CCDC28A: variants seen among roughly 807,000 people sequenced by gnomAD.
CCDC28A encodes the protein coiled-coil domain-containing protein 28A.
CCDC28A carries 24 observed loss-of-function variants against 22.1 expected under a neutral mutation model. The observed-to-expected ratio is 1.09, with a 90% confidence interval of 0.79 to 1.53. The LOEUF (loss-of-function observed/expected upper bound fraction) is 1.53, where lower values mean the gene tolerates loss of function less well. Ranked by LOEUF, CCDC28A falls within the 40% of genes most tolerant of loss-of-function variation. The pLI, the probability that CCDC28A is intolerant of heterozygous loss-of-function variation, is 0.00. For missense variants in CCDC28A, 170 were observed against 210.7 expected, an observed-to-expected ratio of 0.81 and a Z score of 1.20; for synonymous variants, 83 against 74.7, an observed-to-expected ratio of 1.11 and a Z score of -0.57.
At chr6:138,773,962 C>G (rs1226598626) in intron 1 of CCDC28A, 60 bp downstream of exon 1, 5 of 1,579,342 alleles carry the variant, frequency 3.2e-6, no homozygotes, top group African/African-American at 2.7e-5. Context: ...TCCCACCACT[C>G]TGGTCACTGC....
intron 3 of CCDC28A, among the ~76,000 whole-genome samples, chr6:138,782,939 GA>G (rs145295649): frequency 0.016 from 2,392 of 152,076 alleles, 65 homozygotes; most frequent in African/African-American, 0.054. Context: ...AGGAAAAACA[GA>G]AAGGTTTTTT....
At chr6:138,788,638 C>T (rs772960057) in intron 5 of CCDC28A, among the ~76,000 whole-genome samples, 2 of 137,768 alleles carry the variant, frequency 1.5e-5, no homozygotes, top group Non-Finnish European at 3.0e-5. Context: ...TGCAGTGCCA[C>T]GATCATGGTT....
At chr6:138,788,579 TTTTTTTTTTTTTC>T (rs1266795196) in intron 5 of CCDC28A, among the ~76,000 whole-genome samples, 191 bp downstream of exon 5, 12 of 79,268 alleles carry the variant, frequency 1.5e-4, no homozygotes, top group African/African-American at 4.4e-4. Flanking sequence ...TTTTTTTTTT[TTTTTTTTTTTTTC>T]AGAGACAGGG....
At chr6:138,783,776 C>G (rs1426506482) in intron 3 of CCDC28A, among the ~76,000 whole-genome samples, 2 of 151,360 alleles carry the variant, frequency 1.3e-5, no homozygotes, top group African/African-American at 4.9e-5. Flanking sequence ...CCATGTTTCA[C>G]AGATTGGTCT....
intron 5 of CCDC28A, among the ~76,000 whole-genome samples, chr6:138,788,819 G>A (rs1775131414): frequency 6.6e-6 from 1 of 151,782 alleles, no homozygotes; most frequent in South Asian, 2.1e-4. Context: ...GCTTTGCTTT[G>A]TACTGTTCTT....
intron 1 of CCDC28A, among the ~76,000 whole-genome samples, chr6:138,775,296 A>T (rs1774913237): frequency 6.6e-6 from 1 of 152,248 alleles, no homozygotes; most frequent in African/African-American, 2.4e-5. Flanking sequence ...AAGTAAGGGG[A>T]TTGTGTAGGG....
intron 5 of CCDC28A, among the ~76,000 whole-genome samples, chr6:138,791,294 T>C (rs981570294): frequency 6.6e-6 from 1 of 151,906 alleles, no homozygotes; most frequent in Non-Finnish European, 1.5e-5. Context: ...GTTGCCCAGA[T>C]TGGTCTCAAA....
At chr6:138,786,379 AT>A (rs1347532105) in intron 4 of CCDC28A, among the ~76,000 whole-genome samples, 1 of 152,230 alleles carries the variant, frequency 6.6e-6, no homozygotes, top group Non-Finnish European at 1.5e-5. Context: ...TGTTAATTAA[AT>A]TTGCCTCTTT....
intron 5 of CCDC28A, among the ~76,000 whole-genome samples, chr6:138,791,036 AAT>A (rs1775161924): frequency 6.6e-6 from 1 of 152,192 alleles, no homozygotes; most frequent in South Asian, 2.1e-4. Context: ...AAGAACATAA[AAT>A]ATCTCAATTT....
In CCDC28A at chr6:138,776,070, CTTAT is replaced by C; in HGVS notation, c.-42-5_-42-2del. On this transcript the variant is annotated splice_region_variant and splice_polypyrimidine_tract_variant and intron_variant, in intron 1 of 5. Transcript: ENST00000617445. Reference sequence around the variant, plus strand: ...GCATACATATATAATTGCTGTATTCCTTATTTAGGTCTTAAGAAGCTGGCCGTGG... The same window carrying C: ...GCATACATATATAATTGCTGTATTCCTTAGGTCTTAAGAAGCTGGCCGTGG... 1 of 1,609,070 alleles carries C rather than the reference CTTAT, an allele frequency of 6.2e-7. No homozygotes were observed. The highest frequency in any genetic ancestry group is 8.5e-7 in the Non-Finnish European group (1 of 1,175,668).
chr6:138,792,589 T>TC (rs1775188124), intron 5 of CCDC28A, among the ~76,000 whole-genome samples, 160 bp from the exon 6 acceptor site: 2 of 152,210 alleles, frequency 1.3e-5, no homozygotes, highest in East Asian at 1.9e-4. Context: ...TTAAAAGTTG[T>TC]CTTACCACAT....
chr6:138,781,667 T>C (rs1199074173), intron 3 of CCDC28A, among the ~76,000 whole-genome samples: 1 of 152,266 alleles, frequency 6.6e-6, no homozygotes, highest in Non-Finnish European at 1.5e-5. Flanking sequence ...CGTGTGTGTT[T>C]GGTAGATTGT....
intron 1 of CCDC28A, among the ~76,000 whole-genome samples, chr6:138,775,742 T>G (rs1322933583): frequency 6.6e-6 from 1 of 152,232 alleles, no homozygotes; most frequent in Non-Finnish European, 1.5e-5. Context: ...CCTTGTAAAA[T>G]GTAGGCTTCT....
At chr6:138,774,982 C>A (rs1439902247) in intron 1 of CCDC28A, among the ~76,000 whole-genome samples, 1 of 148,160 alleles carries the variant, frequency 6.7e-6, no homozygotes, top group Non-Finnish European at 1.5e-5. Flanking sequence ...GAGACGGAGT[C>A]TCGCTCTGTC....
intron 3 of CCDC28A, among the ~76,000 whole-genome samples, chr6:138,783,876 CTTT>C (rs577197452): frequency 7.2e-5 from 9 of 125,380 alleles, no homozygotes; most frequent in Admixed American, 8.2e-5. Flanking sequence ...AGCCAGAACT[CTTT>C]TTTTTTTTTT....
At chr6:138,780,592 T>A (rs1272374402) in intron 3 of CCDC28A, among the ~76,000 whole-genome samples, 5 of 128,564 alleles carry the variant, frequency 3.9e-5, no homozygotes, top group Non-Finnish European at 8.0e-5. Flanking sequence ...TTTTTTTTTT[T>A]GAGACAGAGT....
rs1368454829 is a variant in CCDC28A at position 138,789,311 on chromosome 6, C to CTA, written c.500+924_500+925insAT. Among the ~76,000 whole-genome samples the CTA allele has an allele frequency of 3.3e-5, 5 of 152,120 alleles. No homozygotes were observed. The South Asian group carries it at 8.3e-4, about 25-fold the overall frequency. ...AGTTATTGACATAGAAAGGATGCTG[C>CTA]TTGTAGAGATTTGATTTTTGAAGTT... On this transcript the variant is annotated intron_variant, in intron 5 of 5. Coordinates refer to ENST00000617445, the MANE Select transcript of CCDC28A (RefSeq NM_015439.3).
rs1302889299 is a variant in CCDC28A at position 138,792,795 on chromosome 6, G to C, written c.547G>C (p.Ala183Pro). 1.1e-5 allele frequency: 18 copies of C among 1,607,014 alleles called. No individual in the cohort carries two copies. The highest frequency in any genetic ancestry group is 1.4e-5 in the Non-Finnish European group (17 of 1,175,910). The stretch of plus-strand genomic sequence containing the variant: ...TGCACAAGATGTTCCAAATACTTCT[G>C]CTAGCTAAAATGAAATGTAGTTTGC... ...ADAQDVPNTS[A>P]S Residue 183 changes from alanine (A) to proline (P), a missense_variant, in exon 6 of 6, where the codon GCT (alanine) becomes CCT (proline). Transcript: ENST00000617445.
chr6:138,788,035 C>T (rs1156975396), intron 4 of CCDC28A, among the ~76,000 whole-genome samples: 1 of 145,372 alleles, frequency 6.9e-6, no homozygotes, highest in African/African-American at 2.6e-5. Context: ...TAACAGAGCT[C>T]ACTGCAGCCT....
Sources: gnomAD v4.1 joint callset for allele counts (sites outside exome capture counted in the v4.1 genomes callset) on GRCh38, gnomAD v4.1.1 for gene constraint, MANE v1.5 for transcripts, NCBI Gene and HGNC (gene_info 2026-07-23, HGNC 2026-07-21) for gene names.